The following PKD1 variants were observed in gnomAD, a reference collection of about 807,000 sequenced individuals.
The protein encoded by PKD1 is polycystin-1.
In PKD1, 81 loss-of-function variants were observed where a neutral mutation model predicts 361.7. The ratio of observed to expected loss-of-function variants is 0.22; its 90% CI spans 0.19 to 0.27. The LOEUF is 0.27. PKD1 is among the 10% of genes least tolerant of loss of function. PKD1 has a pLI of 1.00. For synonymous variants in PKD1, 3,615 were observed against 2,818.3 expected, an observed-to-expected ratio of 1.28 and a Z score of -8.95; for missense variants, 6,399 against 6,118.3, an observed-to-expected ratio of 1.05 and a Z score of -1.53.
At chr16:2,107,416 G>A (rs1215872241) in intron 16 of PKD1, 3 of 359,486 alleles carry the variant, frequency 8.3e-6, no homozygotes, top group African/African-American at 4.2e-5. Flanking sequence ...GGCCAGCTGA[G>A]GAAAGCAGGG....
Position 2,100,290 on chromosome 16 carries a change from G to A in PKD1, c.9588C>T (p.Phe3196=), listed in dbSNP as rs767054960. 12 of 1,610,712 alleles carry A rather than the reference G, an allele frequency of 7.5e-6. 1 individual carries two copies. Among genetic ancestry groups the A allele is most frequent in the South Asian group, 3.3e-5 (3 of 91,002 alleles). Residue 3196 remains phenylalanine, a synonymous_variant, in exon 28 of 46, where the codon TTC becomes TTT. Coordinates refer to ENST00000262304, the MANE Select transcript of PKD1 (RefSeq NM_001009944.3). This position sits in a 1 kb window ranked among gnomAD's most constrained non-coding sequence, Gnocchi z 4.4. ...GGTCCCTGACGATGACGTGCTGCAG[G>A]AACCAGGCAGGGCTGAGCCCTGCAG... ...HDNKGLSPAW[F]LQHVIVRDLQ...
rs750202352 is a variant in PKD1 at position 2,109,087 on chromosome 16, G to C, written c.6080C>G (p.Thr2027Ser). Residue 2027 changes from threonine to serine, a missense_variant, in exon 15 of 46, where the codon ACC (threonine) becomes AGC (serine). By Grantham distance (58) the Thr-to-Ser change is moderately conservative. Coordinates refer to ENST00000262304, the MANE Select transcript of PKD1 (RefSeq NM_001009944.3). ...SLVILSGRDV[T>S]YTPVAAGLLE... ...CAGCCCCGCGGCCACGGGCGTGTAG[G>C]TGACGTCGCGGCCCGACAGGATGAC... The C allele has an allele frequency of 1.6e-5, 26 of 1,603,920 alleles. No homozygotes were observed. In the East Asian group the frequency reaches 5.6e-4, roughly 35 times the overall value.
Position 2,102,372 on chromosome 16 carries a change from G to A in PKD1, c.9201+9C>T. On this transcript the variant is annotated intron_variant, in intron 25 of 45. Coordinates refer to ENST00000262304, the MANE Select transcript of PKD1 (RefSeq NM_001009944.3). ...CTGCAGAGGCTCCCAGGAGCACAGG[G>A]TCACTCACAGGAAACACAAAGCGGA... 1.9e-6 allele frequency: 3 copies of A among 1,553,912 alleles called. No individual in the cohort carries two copies. The highest frequency in any genetic ancestry group is 2.6e-6 in the Non-Finnish European group (3 of 1,149,628).
intron 30 of PKD1, chr16:2,098,890 G>A (rs2091967641): frequency 1.4e-5 from 2 of 145,106 alleles, no homozygotes; most frequent in Non-Finnish European, 2.9e-5. Flanking sequence ...GAGTGCAGTG[G>A]CGCAATCTCG....
chr16:2,109,097 G>C lies in PKD1; in HGVS notation c.6070C>G (p.Arg2024Gly), dbSNP rs199943712. ...QGDSLVILSGRDVTYTPVAAG... is the reference protein window; with the variant it reads ...QGDSLVILSGGDVTYTPVAAG... ...GCCACGGGCGTGTAGGTGACGTCGC[G>C]GCCCGACAGGATGACCAGCGAGTCG... Residue 2024 changes from arginine to glycine, a missense_variant, in exon 15 of 46, where the codon CGC (arginine) becomes GGC (glycine). Transcript: ENST00000262304. 1.9e-6 allele frequency: 3 copies of C among 1,603,232 alleles called. No individual in the cohort carries two copies. Among genetic ancestry groups the C allele is most frequent in the Admixed American group, 1.7e-5 (1 of 59,852 alleles).
In PKD1 at chr16:2,118,137, G is replaced by C; in HGVS notation, c.855C>G (p.Ala285=). The C allele has an allele frequency of 3.1e-6, 5 of 1,597,634 alleles. No individual in the cohort carries two copies. Among genetic ancestry groups the C allele is most frequent in the Non-Finnish European group, 4.3e-6 (5 of 1,174,170 alleles). The change falls in exon 5 of 46, where the codon GCC becomes GCG. Residue 285 remains alanine (A), a synonymous_variant. Coordinates refer to ENST00000262304, the MANE Select transcript of PKD1 (RefSeq NM_001009944.3). This position sits in a 1 kb window ranked among gnomAD's most constrained non-coding sequence, Gnocchi z 6.0. The part of the protein sequence containing the change: ...ATLVGPHGPL[A]SGQLAAFHIA... ...TGTGGAAGGCTGCTAGCTGGCCAGA[G>C]GCCAGAGGTCCGTGGGGCCCCACCA...
intron 42 of PKD1, 48 bp from the exon 43 acceptor site, chr16:2,091,222 G>C: frequency 9.5e-7 from 1 of 1,056,410 alleles, no homozygotes; most frequent in Non-Finnish European, 1.2e-6. Context: ...GCCGGGGCGG[G>C]GCCCTGCGAG....
intron 6 of PKD1, 135 bp downstream of exon 6, chr16:2,117,354 C>T (rs1160617260): frequency 1.5e-5 from 10 of 662,062 alleles, no homozygotes; most frequent in Non-Finnish European, 2.0e-5. Context: ...ACGGCCCCAC[C>T]GGCCGGCGCC....
chr16:2,124,486 G>A (rs2092768637), intron 1 of PKD1, among the ~76,000 whole-genome samples: 1 of 152,218 alleles, frequency 6.6e-6, no homozygotes. Flanking sequence ...CCTGGGCCGG[G>A]GGAGCCGGGG....
chr16:2,116,899 T>G lies in PKD1; in HGVS notation c.1540A>C (p.Thr514Pro). 1.3e-6 allele frequency: 2 copies of G among 1,526,458 alleles called. No individual in the cohort carries two copies. The highest frequency in any genetic ancestry group is 1.8e-6 in the Non-Finnish European group (2 of 1,137,732). 94.6% of individuals were successfully genotyped at this position (1,526,458 alleles called of 1,614,324 possible). A position where few individuals can be genotyped will look rare whatever the true frequency, so the allele number is the denominator to read the frequency against. ...CACAGGTCGGTGTTACACCACCCGG[T>G]GGGCCCGAGCCGGACGCAGTGCTCG... ...TAEHCVRLGP[T>P]GWCNTDLCSA... Residue 514 changes from threonine (T) to proline (P), a missense_variant, in exon 7 of 46, where the codon ACC (threonine) becomes CCC (proline). Coordinates refer to ENST00000262304, the MANE Select transcript of PKD1 (RefSeq NM_001009944.3).
intron 14 of PKD1, 110 bp from the exon 15 acceptor site, chr16:2,111,981 C>T (rs2092521728): frequency 8.3e-7 from 1 of 1,206,102 alleles, no homozygotes; most frequent in Non-Finnish European, 1.2e-6. Flanking sequence ...GCACCTGCGG[C>T]CCAGCCTTAA....
intron 8 of PKD1, 155 bp from the exon 9 acceptor site, chr16:2,116,273 G>A (rs1370486872): frequency 2.2e-5 from 18 of 804,518 alleles, no homozygotes; most frequent in African/African-American, 3.4e-5. Flanking sequence ...GGAAGACTCC[G>A]GTGGAAACTG....
intron 9 of PKD1, 92 bp downstream of exon 9, chr16:2,115,900 G>C (rs1321735918): frequency 2.4e-5 from 34 of 1,404,256 alleles, no homozygotes; most frequent in Non-Finnish European, 3.1e-5. Flanking sequence ...AACCACTCTG[G>C]TGGCCACAGG....
intron 13 of PKD1, 102 bp from the exon 14 acceptor site, chr16:2,112,575 G>A (rs914119585): frequency 1.6e-5 from 18 of 1,123,832 alleles, no homozygotes; most frequent in African/African-American, 1.6e-4. Flanking sequence ...CTGCAGTCAC[G>A]CCCCGGGCCT....
chr16:2,118,329 G>C lies in PKD1; in HGVS notation c.663C>G (p.Leu221=). ...SAFCFSTGQG[L]AALSEQGWCL... Reference sequence around the variant, plus strand: ...ACCAGCCCTGCTCCGAGAGGGCTGCGAGGCCCTGGCCGGTGGAGAAGCAGA... The same window carrying C: ...ACCAGCCCTGCTCCGAGAGGGCTGCCAGGCCCTGGCCGGTGGAGAAGCAGA... The change falls in exon 5 of 46, where the codon CTC becomes CTG. Residue 221 remains leucine, a synonymous_variant. Coordinates refer to ENST00000262304, the MANE Select transcript of PKD1 (RefSeq NM_001009944.3). This position sits in a 1 kb window ranked among gnomAD's most constrained non-coding sequence, Gnocchi z 6.0. 2 of 1,486,744 alleles carry C rather than the reference G, an allele frequency of 1.3e-6. No individual in the cohort carries two copies. Among genetic ancestry groups the C allele is most frequent in the Non-Finnish European group, 9.1e-7 (1 of 1,103,906 alleles). The allele number at this position is 1,486,744 out of a possible 1,614,324, so 92.1% of individuals were successfully genotyped here. A position where few individuals can be genotyped will look rare whatever the true frequency, so the allele number is the denominator to read the frequency against.
intron 1 of PKD1, among the ~76,000 whole-genome samples, chr16:2,121,177 C>T (rs1037478407): frequency 6.6e-6 from 1 of 151,982 alleles, no homozygotes; most frequent in Non-Finnish European, 1.5e-5. Context: ...ACCAGACCGA[C>T]CAACACGGAG....
chr16:2,109,343 G>C lies in PKD1; in HGVS notation c.5824C>G (p.Arg1942Gly), dbSNP rs780100275. Residue 1942 changes from arginine (R) to glycine (G), a missense_variant, in exon 15 of 46, where the codon CGC (arginine) becomes GGC (glycine). Arg to Gly is a moderately radical substitution (Grantham distance 125, BLOSUM62 -2). Coordinates refer to ENST00000262304, the MANE Select transcript of PKD1 (RefSeq NM_001009944.3). ...PGPRFSHSFP[R>G]VGDHVVSVRG... ...ACGCTCACCACGTGGTCTCCGACGC[G>C]GGGGAAGCTGTGGGAGAAACGGGGC... The C allele has an allele frequency of 2.6e-5, 41 of 1,590,968 alleles. 1 individual carries two copies. In the Admixed American group the frequency reaches 5.5e-4, roughly 21 times the overall value.
chr16:2,117,240 C>T (rs958959361), intron 6 of PKD1, among the ~76,000 whole-genome samples, 187 bp from the exon 7 acceptor site: 17 of 152,192 alleles, frequency 1.1e-4, no homozygotes, highest in African/African-American at 1.9e-4. Context: ...CTGTGGGTAC[C>T]GGCAGGGATC....
At position 2,092,415 on chromosome 16, in the gene PKD1, C is replaced by T. The variant is rs981899298; in HGVS notation, c.11269+65G>A. On this transcript the variant is annotated intron_variant, in intron 39 of 45. Transcript: ENST00000262304. ...GGGAGCAGGGCTGATGCCAGAGCTCCGCTAAAGGCTGCTCTCTCAACAAGA... is the reference window on the plus strand; with the variant it reads ...GGGAGCAGGGCTGATGCCAGAGCTCTGCTAAAGGCTGCTCTCTCAACAAGA... The T allele has an allele frequency of 2.3e-5, 28 of 1,193,742 alleles. 1 individual carries two copies. The highest frequency in any genetic ancestry group is 1.4e-4 in the South Asian group (11 of 79,652). The allele number at this position is 1,193,742 out of a possible 1,614,324, so 73.9% of individuals were successfully genotyped here. A position where few individuals can be genotyped will look rare whatever the true frequency, so the allele number is the denominator to read the frequency against.
Sources: allele counts gnomAD v4.1 joint callset (sites outside exome capture counted in the v4.1 genomes callset), GRCh38; gene constraint gnomAD v4.1.1; non-coding constraint Gnocchi (gnomAD v3.1); transcripts MANE v1.5; gene names NCBI Gene and HGNC (gene_info 2026-07-23, HGNC 2026-07-21).